TECR: variants seen among roughly 807,000 people sequenced by gnomAD.
TECR encodes the protein trans-2,3-enoyl-CoA reductase.
In TECR, 19 loss-of-function variants were observed where a neutral mutation model predicts 50.6. That is an observed-to-expected ratio of 0.38 (90% CI 0.26 to 0.55). The LOEUF is 0.55. Ranked by LOEUF, TECR falls within the 20% of genes least tolerant of loss-of-function variation. The pLI is 0.79. For missense variants in TECR, 313 were observed against 408.3 expected (o/e 0.77, Z 2.01); for synonymous variants, 168 against 163.5 (o/e 1.03, Z -0.21).
At chr19:14,553,918 C>T (rs1426738838) in intron 1 of TECR, among the ~76,000 whole-genome samples, 1 of 152,146 alleles carries the variant, frequency 6.6e-6, no homozygotes, top group Admixed American at 6.5e-5. Context: ...GTTGCACTGA[C>T]CAGGGCTCGC....
intron 2 of TECR, 107 bp downstream of exon 2, chr19:14,562,682 C>T: frequency 1.5e-6 from 2 of 1,300,000 alleles, no homozygotes; most frequent in Non-Finnish European, 1.1e-6. Flanking sequence ...CCACCCCCTG[C>T]CCTATGGAGG....
intron 1 of TECR, among the ~76,000 whole-genome samples, chr19:14,556,717 C>T (rs1394913729): frequency 6.6e-6 from 1 of 152,180 alleles, no homozygotes; most frequent in Non-Finnish European, 1.5e-5. Context: ...GGTTAAGGTC[C>T]CATTCTGCAC....
intron 1 of TECR, among the ~76,000 whole-genome samples, chr19:14,552,698 C>T (rs2146606122): frequency 6.6e-6 from 1 of 152,152 alleles, no homozygotes; most frequent in East Asian, 1.9e-4. Context: ...CCATGCCCGG[C>T]TAACTTTTTT....
chr19:14,544,655 A>G, intron 1 of TECR, among the ~76,000 whole-genome samples: 1 of 142,384 alleles, frequency 7.0e-6, no homozygotes. Flanking sequence ...TTTTTTTGAG[A>G]CAGGGTCTCA....
In TECR at chr19:14,564,281, C is replaced by T. The variant is rs1172050045; in HGVS notation, c.483C>T (p.Ile161=). ...ATGGCACTATGCCTTTGCGCAACAT[C>T]TTCAAGGTGAGAGCCCGTCCCCGCC... ...FSHGTMPLRN[I]FKNCTYYWGF... is the part of the protein sequence containing the mutation. The change falls in exon 7 of 13, where the codon ATC becomes ATT. Residue 161 remains isoleucine, a synonymous_variant. Coordinates refer to ENST00000215567, the MANE Select transcript of TECR (RefSeq NM_138501.6). The T allele has an allele frequency of 3.1e-6, 5 of 1,604,154 alleles. No individual in the cohort carries two copies. Among genetic ancestry groups the T allele is most frequent in the Non-Finnish European group, 4.2e-6 (5 of 1,179,476 alleles).
chr19:14,554,475 A>G lies in TECR; in HGVS notation c.16-8050A>G, dbSNP rs114184569. On this transcript the variant is annotated intron_variant, in intron 1 of 12. Coordinates refer to ENST00000215567, the MANE Select transcript of TECR (RefSeq NM_138501.6). ...CTGTGGTGTGGACTCTGCCGCCAGCAAGGCCATTGAACCTGCTTGTTTACA... is the reference window on the plus strand; with the variant it reads ...CTGTGGTGTGGACTCTGCCGCCAGCGAGGCCATTGAACCTGCTTGTTTACA... Among the ~76,000 whole-genome samples the G allele has an allele frequency of 6.5e-3, 988 of 151,970 alleles. 11 individuals are homozygous for G. The highest frequency in any genetic ancestry group is 0.022 in the African/African-American group (929 of 41,454).
chr19:14,529,506 A>G (rs1568387818), upstream of TECR: 2 of 753,818 alleles, frequency 2.7e-6, no homozygotes, highest in Non-Finnish European at 4.7e-6. Context: ...ACCGGCCCCA[A>G]GGAGCAGGGG....
chr19:14,535,543 A>AATATATATAT (rs747348455), intron 1 of TECR, among the ~76,000 whole-genome samples: 34 of 32,680 alleles, frequency 1.0e-3, no homozygotes, highest in Non-Finnish European at 1.3e-3. Flanking sequence ...AAAAAAAAAA[A>AATATATATAT]ATATATATAT....
chr19:14,565,690 G>T, intron 12 of TECR, 27 bp downstream of exon 12: 1 of 1,611,974 alleles, frequency 6.2e-7, no homozygotes, highest in South Asian at 1.1e-5. Context: ...CCCTCGGCGG[G>T]GCCCTGCCCC....
At position 14,535,756 on chromosome 19, in the gene TECR, C is replaced by CAAAAAAAA. The variant is rs1161257175; in HGVS notation, c.15+6059_15+6066dup. ...TGGGCAACAGAGTGAGACTCTGTCT[C>CAAAAAAAA]AAAAAAAAAAAAAAAAAAAAAGGGA... On this transcript the variant is annotated intron_variant, in intron 1 of 12. Coordinates refer to ENST00000215567, the MANE Select transcript of TECR (RefSeq NM_138501.6). Among the ~76,000 whole-genome samples the CAAAAAAAA allele has an allele frequency of 1.9e-4, 10 of 51,944 alleles. 1 individual carries two copies. The highest frequency in any genetic ancestry group is 5.5e-4 in the Admixed American group (2 of 3,616). The allele number at this position is 51,944 out of a possible 152,430, so 34.1% of individuals were successfully genotyped here. A position where few individuals can be genotyped will look rare whatever the true frequency, so the allele number is the denominator to read the frequency against.
chr19:14,537,087 T>TGAGGAGGAG (rs1288915314), intron 1 of TECR, among the ~76,000 whole-genome samples: 4 of 129,090 alleles, frequency 3.1e-5, no homozygotes, highest in Non-Finnish European at 6.5e-5. Flanking sequence ...AGGCATGTCC[T>TGAGGAGGAG]GAGGAGGAGG....
rs553411834 is a variant in TECR, at chr19:14,541,480, G to A, written c.15+11769G>A. On this transcript the variant is annotated intron_variant, in intron 1 of 12. Coordinates refer to ENST00000215567, the MANE Select transcript of TECR (RefSeq NM_138501.6). ...TTTCCCGTCATAGGACCCTGCCTCT[G>A]TTTTCCAGTCCATCACTTATTCATT... Among the ~76,000 whole-genome samples, 8 of 152,342 alleles carry A rather than the reference G, an allele frequency of 5.3e-5. No homozygotes were observed. In the East Asian group the frequency reaches 1.2e-3, roughly 22 times the overall value.
At chr19:14,547,210 A>G (rs2073337916) in intron 1 of TECR, among the ~76,000 whole-genome samples, 1 of 152,192 alleles carries the variant, frequency 6.6e-6, no homozygotes, top group African/African-American at 2.4e-5. Flanking sequence ...TAGACTCTAG[A>G]TAGATTTAAC....
chr19:14,565,657 C>T lies in TECR; in HGVS notation c.793C>T (p.Leu265Phe), dbSNP rs1489393529. ...CGGTTTCGCCATCATGACGCAGTGTCTCCCAGGTGAGCCTGCCGCCCTCCC... is the reference window on the plus strand; with the variant it reads ...CGGTTTCGCCATCATGACGCAGTGTTTCCCAGGTGAGCCTGCCGCCCTCCC... The part of the protein sequence containing the change: ...WIGFAIMTQC[L>F]PVALFSLVGF... Residue 265 changes from leucine (L) to phenylalanine (F), a missense_variant, in exon 12 of 13, where the codon CTC becomes TTC. By Grantham distance (22) the Leu-to-Phe change is conservative (BLOSUM62 0). Coordinates refer to ENST00000215567, the MANE Select transcript of TECR (RefSeq NM_138501.6). The T allele has an allele frequency of 4.3e-6, 7 of 1,612,530 alleles. No individual in the cohort carries two copies. In the South Asian group the frequency reaches 7.7e-5, roughly 18 times the overall value.
At chr19:14,553,252 G>T (rs2146607460) in intron 1 of TECR, among the ~76,000 whole-genome samples, 1 of 152,280 alleles carries the variant, frequency 6.6e-6, no homozygotes, top group African/African-American at 2.4e-5. Context: ...GGCTACCGCT[G>T]CCTCTGCACC....
At position 14,550,366 on chromosome 19, in the gene TECR, C is replaced by T. The variant is rs543663998; in HGVS notation, c.16-12159C>T. Among the ~76,000 whole-genome samples, 7 of 152,254 alleles carry T rather than the reference C, an allele frequency of 4.6e-5. No homozygotes were observed. In the South Asian group the frequency reaches 6.3e-4, roughly 14 times the overall value. Reference sequence around the variant, plus strand: ...TCTAGGCTCTTTGGCAAGCTGAGCTCATGGGGGTGGACTAACCTGTCTGCT... The same window carrying T: ...TCTAGGCTCTTTGGCAAGCTGAGCTTATGGGGGTGGACTAACCTGTCTGCT... On this transcript the variant is annotated intron_variant, in intron 1 of 12. Coordinates refer to ENST00000215567, the MANE Select transcript of TECR (RefSeq NM_138501.6).
intron 7 of TECR, chr19:14,564,554 G>T: frequency 2.4e-5 from 1 of 42,332 alleles, no homozygotes; most frequent in Non-Finnish European, 3.8e-5. Context: ...CCCCAGCCCC[G>T]CCCCTGCAGA....
chr19:14,563,132 C>G lies in TECR; in HGVS notation c.67-74C>G, dbSNP rs1599498124. On this transcript the variant is annotated intron_variant, in intron 2 of 12. Coordinates refer to ENST00000215567, the MANE Select transcript of TECR (RefSeq NM_138501.6). The surrounding 1 kb of genome is among the most constrained non-coding windows in gnomAD (Gnocchi z 5.3). ...TACAGCCCAACCCCCAGCCTGCCAT[C>G]CCCTTTAGTACCTCCCCATCCTGAG... The G allele has an allele frequency of 6.2e-7, 1 of 1,605,770 alleles. No homozygotes were observed. Among genetic ancestry groups the G allele is most frequent in the African/African-American group, 1.3e-5 (1 of 74,828 alleles).
rs776227466 is a variant in TECR at position 14,564,092 on chromosome 19, G to A, written c.378G>A (p.Val126=). The A allele has an allele frequency of 7.4e-6, 12 of 1,611,746 alleles. No individual in the cohort carries two copies. Among genetic ancestry groups the A allele is most frequent in the Non-Finnish European group, 1.0e-5 (12 of 1,179,890 alleles). The change falls in exon 6 of 13, where the codon GTG becomes GTA. Residue 126 remains valine (V), a synonymous_variant. Transcript: ENST00000215567. ...KYDFTSSRHT[V]VHLACICHSF... ...ACTTTACGTCCAGTCGGCATACAGT[G>A]GTGCAGTAAGTGGGGCAGGTGGGAG...
Sources: allele counts gnomAD v4.1 joint callset (sites outside exome capture counted in the v4.1 genomes callset), GRCh38; gene constraint gnomAD v4.1.1; non-coding constraint Gnocchi (gnomAD v3.1); transcripts MANE v1.5; gene names NCBI Gene and HGNC (gene_info 2026-07-23, HGNC 2026-07-21).